Variants in COBL observed in about 807,000 individuals in gnomAD.
COBL encodes protein cordon-bleu.
In COBL, 51 loss-of-function variants were observed where a neutral mutation model predicts 98.8. The ratio of observed to expected loss-of-function variants is 0.52; its 90% confidence interval spans 0.41 to 0.65. The LOEUF (loss-of-function observed/expected upper bound fraction) is 0.65, where lower values mean the gene tolerates loss of function less well. Among genes scored for constraint, COBL ranks in the 30% least tolerant of loss-of-function variants. The probability of loss-of-function intolerance (pLI) is 0.00; values close to 1 mark genes in which losing one functional copy is unlikely to be tolerated. For synonymous variants in COBL, 634 were observed against 651.7 expected (o/e 0.97, Z 0.41); for missense variants, 1,617 against 1,617.5 (o/e 1.00, Z 0.01).
chr7:51,294,083 G>A (rs1252342147), intron 1 of COBL, among the ~76,000 whole-genome samples: 2 of 152,116 alleles, frequency 1.3e-5, no homozygotes, highest in African/African-American at 2.4e-5. Flanking sequence ...TTGAGGTCAG[G>A]AATTCGAGAC....
At chr7:51,252,072 A>C (rs901141673) in intron 1 of COBL, among the ~76,000 whole-genome samples, 3 of 151,962 alleles carry the variant, frequency 2.0e-5, no homozygotes, top group African/African-American at 7.3e-5. Context: ...GCTCTTTTAC[A>C]GCTTTTTTTT....
At position 51,149,214 on chromosome 7, in the gene COBL, T is replaced by C. The variant is rs1422195644; in HGVS notation, c.784-12883A>G. 3.3e-5 allele frequency among the ~76,000 whole-genome samples: 5 copies of C among 152,320 alleles called. No individual in the cohort carries two copies. The East Asian group carries it at 9.7e-4, about 29-fold the overall frequency. On this transcript the variant is annotated intron_variant, in intron 5 of 12. Coordinates refer to ENST00000265136, the MANE Select transcript of COBL (RefSeq NM_015198.5). The stretch of plus-strand genomic sequence containing the variant: ...CATGAACAGAGTCATCTCCTGATGC[T>C]TGCCGGAGGGCTGCAGACACCCATT...
At chr7:51,124,573 T>C (rs1798028151) in intron 6 of COBL, among the ~76,000 whole-genome samples, 1 of 152,166 alleles carries the variant, frequency 6.6e-6, no homozygotes, top group African/African-American at 2.4e-5. Context: ...ATGTTGCTAG[T>C]GGGAACTTCC....
At chr7:51,095,226 A>G (rs149235562) in intron 6 of COBL, among the ~76,000 whole-genome samples, 7 of 152,046 alleles carry the variant, frequency 4.6e-5, no homozygotes, top group African/African-American at 1.7e-4. Context: ...GTGCAGGGGA[A>G]CTCCCCTTTA....
intron 8 of COBL, chr7:51,032,141 A>T (rs1417154344): frequency 6.6e-6 from 1 of 152,318 alleles, no homozygotes; most frequent in Non-Finnish European, 1.5e-5. Flanking sequence ...TGGCATCTGG[A>T]ACCAGGCCTG....
chr7:51,169,395 G>A (rs995687080), intron 5 of COBL, among the ~76,000 whole-genome samples: 6 of 152,144 alleles, frequency 3.9e-5, no homozygotes, highest in African/African-American at 1.2e-4. Flanking sequence ...ATGTCGTCAG[G>A]ACCTCCTGAG....
At chr7:51,211,003 C>T (rs1792369444) in intron 2 of COBL, among the ~76,000 whole-genome samples, 1 of 152,188 alleles carries the variant, frequency 6.6e-6, no homozygotes, top group African/African-American at 2.4e-5. Context: ...CTTACACGCT[C>T]ATCAGATCCC....
intron 5 of COBL, among the ~76,000 whole-genome samples, chr7:51,160,915 T>C (rs998400876): frequency 6.6e-6 from 1 of 152,138 alleles, no homozygotes; most frequent in Non-Finnish European, 1.5e-5. Context: ...AAAGCTTTTT[T>C]TTTTTTGAGA....
intron 6 of COBL, among the ~76,000 whole-genome samples, chr7:51,126,907 C>T (rs888370608): frequency 6.6e-6 from 1 of 152,160 alleles, no homozygotes; most frequent in Non-Finnish European, 1.5e-5. Context: ...ATGGCCCATT[C>T]GTCTCGCATG....
At chr7:51,218,497 T>G (rs1793309736) in intron 2 of COBL, among the ~76,000 whole-genome samples, 1 of 152,204 alleles carries the variant, frequency 6.6e-6, no homozygotes, top group Admixed American at 6.5e-5. Context: ...TTTCTGGAGA[T>G]GAAGTTTCAC....
Position 51,271,395 on chromosome 7 carries a change from T to C in COBL, c.41+45198A>G, listed in dbSNP as rs79607220. Among the ~76,000 whole-genome samples the C allele has an allele frequency of 7.7e-3, 1,167 of 152,318 alleles. 59 individuals carry two copies. The South Asian group carries it at 0.13, about 17-fold the overall frequency. ...TCCTTGGAGCTGCTGGGCTACTCCTTAGTAAGCCCCAACACTTCTGTTCTC... is the reference window on the plus strand; with the variant it reads ...TCCTTGGAGCTGCTGGGCTACTCCTCAGTAAGCCCCAACACTTCTGTTCTC... On this transcript the variant is annotated intron_variant, in intron 1 of 12. Transcript: ENST00000265136.
chr7:51,226,552 G>GAGTGAGTGAGTA (rs1223979786), intron 1 of COBL, among the ~76,000 whole-genome samples: 1 of 147,812 alleles, frequency 6.8e-6, no homozygotes, highest in Non-Finnish European at 1.5e-5. Flanking sequence ...GTGAGTAAGT[G>GAGTGAGTGAGTA]AGTGACTAAG....
chr7:51,218,928 C>CT (rs1253900164), intron 2 of COBL, among the ~76,000 whole-genome samples: 1 of 152,112 alleles, frequency 6.6e-6, no homozygotes, highest in African/African-American at 2.4e-5. Flanking sequence ...TTATAGTTAA[C>CT]TTTTTTCTGT....
intron 1 of COBL, among the ~76,000 whole-genome samples, chr7:51,262,270 C>G (rs1797792105): frequency 6.6e-6 from 1 of 152,146 alleles, no homozygotes; most frequent in Non-Finnish European, 1.5e-5. Flanking sequence ...CACCTGGGAA[C>G]CCCAATGTCT....
chr7:51,075,770 G>GT (rs1256498214), intron 7 of COBL, among the ~76,000 whole-genome samples: 2 of 152,104 alleles, frequency 1.3e-5, no homozygotes, highest in East Asian at 1.9e-4. Flanking sequence ...GGCTCATAAG[G>GT]TTTTTTTGAA....
At position 51,305,522 on chromosome 7, in the gene COBL, G is replaced by C. The variant is rs77730811; in HGVS notation, c.41+11071C>G. Among the ~76,000 whole-genome samples, 577 of 152,042 alleles carry C rather than the reference G, an allele frequency of 3.8e-3. 5 individuals carry two copies. Among genetic ancestry groups the C allele is most frequent in the African/African-American group, 0.013 (527 of 41,452 alleles). ...CTTCCAACTTGGTGCATGTCATTTA[G>C]AACAATCAGTTCTAACAGAAGGAGG... On this transcript the variant is annotated intron_variant, in intron 1 of 12. Transcript: ENST00000265136.
At chr7:51,265,641 C>CT (rs1302986710) in intron 1 of COBL, among the ~76,000 whole-genome samples, 2 of 152,232 alleles carry the variant, frequency 1.3e-5, no homozygotes, top group African/African-American at 2.4e-5. Context: ...GATGTGATAC[C>CT]TGAGGTGCCC....
Position 51,029,435 on chromosome 7 carries a change from G to A in COBL, c.1661C>T (p.Ser554Leu), listed in dbSNP as rs776611376. ...IGEVSDDPVD[S>L]GLFSNRNNNA... ...GTTGTTTCTATTGGAAAACAACCCC[G>A]AATCCACAGGATCATCTGAAACTTC... The change falls in exon 10 of 13, where the codon TCG becomes TTG. Residue 554 changes from serine (S) to leucine (L), a missense_variant. Ser to Leu is a moderately radical substitution (Grantham distance 145). This residue lies in a region of COBL where 1,304 missense variants were observed against 1,282.0 expected (regional missense o/e 1.02). Transcript: ENST00000265136. The A allele has an allele frequency of 2.4e-5, 38 of 1,614,036 alleles. 1 individual carries two copies. Among genetic ancestry groups the A allele is most frequent in the Admixed American group, 1.0e-4 (6 of 60,000 alleles).
intron 6 of COBL, among the ~76,000 whole-genome samples, chr7:51,121,082 G>C (rs559412826): frequency 4.6e-5 from 7 of 152,246 alleles, no homozygotes; most frequent in Middle Eastern, 3.4e-3. Context: ...TGGATTTTCT[G>C]AGGACCTGTC....
Sources: gnomAD v4.1 joint callset for allele counts (sites outside exome capture counted in the v4.1 genomes callset) on GRCh38, gnomAD v4.1.1 for gene constraint, gnomAD v4.1.1 regional missense constraint, MANE v1.5 for transcripts, NCBI Gene and HGNC (gene_info 2026-07-23, HGNC 2026-07-21) for gene names.